MMP26: variants seen among roughly 807,000 people sequenced by gnomAD.
MMP26 encodes the protein matrix metallopeptidase 26.
A neutral mutation model predicts 31.0 loss-of-function variants in MMP26; 33 were observed. That is an observed-to-expected ratio of 1.06 (90% CI 0.81 to 1.42). The LOEUF (loss-of-function observed/expected upper bound fraction) is 1.42, where lower values mean the gene tolerates loss of function less well. MMP26 is among the 40% of genes most tolerant of loss of function. The pLI is 0.00. For synonymous variants in MMP26, 122 were observed against 114.9 expected (o/e 1.06, Z -0.40); for missense variants, 347 against 316.1 (o/e 1.10, Z -0.74).
chr11:4,860,374 A>T (rs544023346), intron 2 of MMP26: 1 of 471,202 alleles, frequency 2.1e-6, no homozygotes, highest in Non-Finnish European at 4.4e-6. Context: ...GATAGAAAGG[A>T]AGTAATACGT....
chr11:4,795,279 A>C (rs1163847794), intron 2 of MMP26: 2 of 152,224 alleles, frequency 1.3e-5, no homozygotes, highest in African/African-American at 4.8e-5. Flanking sequence ...GGAAAGACAC[A>C]AGAAGCAGGT....
chr11:4,791,775 C>T (rs993622764), intron 2 of MMP26, among the ~76,000 whole-genome samples: 1 of 151,974 alleles, frequency 6.6e-6, no homozygotes, highest in Non-Finnish European at 1.5e-5. Context: ...GACTAGGTCC[C>T]CTGTGCTTGT....
At chr11:4,882,081 T>C in intron 2 of MMP26, 2 of 1,613,888 alleles carry the variant, frequency 1.2e-6, no homozygotes, top group Non-Finnish European at 1.7e-6. Flanking sequence ...CACAAACCCA[T>C]GTATTATTTC....
At chr11:4,764,834 C>A (rs1172278296) in intron 1 of MMP26, among the ~76,000 whole-genome samples, 2 of 151,994 alleles carry the variant, frequency 1.3e-5, no homozygotes, top group African/African-American at 4.8e-5. Flanking sequence ...GATCGCGCAG[C>A]GCCACTGCAC....
At chr11:4,915,042 T>C (rs1467038891) in intron 2 of MMP26, 1 of 1,613,794 alleles carries the variant, frequency 6.2e-7, no homozygotes, top group African/African-American at 1.3e-5. Context: ...GTAGAGACGA[T>C]GACAAACATG....
intron 2 of MMP26, among the ~76,000 whole-genome samples, chr11:4,777,144 A>G (rs142396317): frequency 7.0e-4 from 106 of 152,294 alleles, no homozygotes; most frequent in African/African-American, 2.5e-3. Flanking sequence ...CCTGAATCTC[A>G]GTTTCCTCAG....
intron 2 of MMP26, chr11:4,938,299 C>G (rs1315236311): frequency 6.6e-6 from 1 of 152,014 alleles, no homozygotes; most frequent in African/African-American, 2.4e-5. Flanking sequence ...AGACATGACA[C>G]ATAGGAAGAT....
intron 2 of MMP26, among the ~76,000 whole-genome samples, chr11:4,827,823 G>A (rs766440088): frequency 2.7e-5 from 4 of 150,426 alleles, no homozygotes; most frequent in Non-Finnish European, 5.9e-5. Context: ...AGTTCTAATT[G>A]TTTTTCTCCC....
chr11:4,733,841 G>T (rs1007200120), intron 1 of MMP26, among the ~76,000 whole-genome samples: 1 of 152,092 alleles, frequency 6.6e-6, no homozygotes, highest in Non-Finnish European at 1.5e-5. Flanking sequence ...ATCAGTTGAC[G>T]AAATTCCTTT....
At chr11:4,786,788 C>T (rs1848952622) in intron 2 of MMP26, 1 of 152,644 alleles carries the variant, frequency 6.6e-6, no homozygotes, top group East Asian at 1.9e-4. Flanking sequence ...TCTGAGTTCC[C>T]AATCTTCCTC....
Position 4,915,516 on chromosome 11 carries a change from T to C in MMP26, c.-144-72552T>C, listed in dbSNP as rs539326953. On this transcript the variant is annotated intron_variant, in intron 2 of 7. Transcript: ENST00000380390. ...CGCTCTGTTTTAATGATAAAAAGAA[T>C]TGTGCAGTTGCCCGGGATGGAAACC... The C allele has an allele frequency of 8.7e-6, 14 of 1,614,056 alleles. No homozygotes were observed. The African/African-American group carries it at 1.6e-4, about 18-fold the overall frequency.
intron 1 of MMP26, among the ~76,000 whole-genome samples, chr11:4,738,943 T>C (rs1848277758): frequency 6.6e-6 from 1 of 151,768 alleles, no homozygotes; most frequent in Admixed American, 6.5e-5. Context: ...TCAATGGATT[T>C]AACCCGTACC....
At chr11:4,731,145 T>C (rs1848168588) in intron 1 of MMP26, among the ~76,000 whole-genome samples, 4 of 152,112 alleles carry the variant, frequency 2.6e-5, no homozygotes, top group South Asian at 4.2e-4. Context: ...GGTTTCACTA[T>C]GTTGGCCAGG....
At chr11:4,853,798 G>C (rs533302456) in intron 2 of MMP26, among the ~76,000 whole-genome samples, 1 of 152,168 alleles carries the variant, frequency 6.6e-6, no homozygotes, top group African/African-American at 2.4e-5. Flanking sequence ...TCCAGAAGTA[G>C]AGTGTAATCT....
At chr11:4,813,557 C>A (rs759114927) in intron 2 of MMP26, among the ~76,000 whole-genome samples, 6 of 152,012 alleles carry the variant, frequency 3.9e-5, no homozygotes, top group East Asian at 1.9e-4. Context: ...TGAATCAATT[C>A]TATTCAGTGA....
At chr11:4,846,996 A>T (rs1849879921) in intron 2 of MMP26, among the ~76,000 whole-genome samples, 1 of 152,148 alleles carries the variant, frequency 6.6e-6, no homozygotes, top group Admixed American at 6.6e-5. Flanking sequence ...GGAACCAGGG[A>T]CTGGCTCCAG....
At chr11:4,816,362 G>A (rs755915169) in intron 2 of MMP26, among the ~76,000 whole-genome samples, 3 of 152,112 alleles carry the variant, frequency 2.0e-5, no homozygotes, top group African/African-American at 4.8e-5. Flanking sequence ...TGAAATGTCC[G>A]TCAGGTCCAT....
At chr11:4,923,614 G>T in intron 2 of MMP26, 1 of 1,614,156 alleles carries the variant, frequency 6.2e-7, no homozygotes. Flanking sequence ...GAGAGACACA[G>T]GTGTTGAGGG....
chr11:4,934,020 G>A (rs1367092036), intron 2 of MMP26, among the ~76,000 whole-genome samples: 3 of 143,358 alleles, frequency 2.1e-5, no homozygotes, highest in Non-Finnish European at 1.5e-5. Flanking sequence ...TGTGAATAAT[G>A]CCGCAATAAA....
Sources: gnomAD v4.1 joint callset for allele counts (sites outside exome capture counted in the v4.1 genomes callset) on GRCh38, gnomAD v4.1.1 for gene constraint, MANE v1.5 for transcripts, NCBI Gene and HGNC (gene_info 2026-07-23, HGNC 2026-07-21) for gene names.